The following GALNT18 variants were observed in gnomAD, a reference collection of about 807,000 sequenced individuals.
GALNT18 encodes the protein polypeptide N-acetylgalactosaminyltransferase 18.
Under a neutral mutation model 69.5 loss-of-function variants are expected in GALNT18, and 44 were observed. The observed-to-expected ratio is 0.63, with a 90% CI of 0.50 to 0.81. GALNT18 has a LOEUF of 0.81. Ranked by LOEUF, GALNT18 falls within the 40% of genes least tolerant of loss-of-function variation. GALNT18 has a pLI of 0.00. For missense variants in GALNT18, 715 were observed against 810.0 expected (o/e 0.88, Z 1.42); for synonymous variants, 364 against 318.2 (o/e 1.14, Z -1.53).
Position 11,389,225 on chromosome 11 carries a change from A to T in GALNT18, c.596-9961T>A, listed in dbSNP as rs1326427521. 6.6e-6 allele frequency among the ~76,000 whole-genome samples: 1 copy of T among 152,214 alleles called. No homozygotes were observed. The highest frequency in any genetic ancestry group is 1.5e-5 in the Non-Finnish European group (1 of 68,034). The stretch of plus-strand genomic sequence containing the variant: ...TCGAACTCAGGCCTGCTTGCCTCTG[A>T]AGACTTGGCTCTTTTCCAGTCTGTC... On this transcript the variant is annotated intron_variant, in intron 3 of 10. Coordinates refer to ENST00000227756, the MANE Select transcript of GALNT18 (RefSeq NM_198516.3). This position sits in a 1 kb window ranked among gnomAD's most constrained non-coding sequence, Gnocchi z 4.3.
At chr11:11,482,720 A>C (rs1856560893) in intron 1 of GALNT18, among the ~76,000 whole-genome samples, 1 of 152,236 alleles carries the variant, frequency 6.6e-6, no homozygotes, top group African/African-American at 2.4e-5. Context: ...TCCCAGGCAC[A>C]CTAAGGTGAT....
intron 1 of GALNT18, among the ~76,000 whole-genome samples, chr11:11,529,466 C>G (rs1857591082): frequency 1.3e-5 from 2 of 152,174 alleles, no homozygotes; most frequent in African/African-American, 4.8e-5. Flanking sequence ...AGCCTGCCAG[C>G]TTTTGGACTG....
At chr11:11,342,190 T>C (rs1299513818) in intron 6 of GALNT18, among the ~76,000 whole-genome samples, 4 of 152,178 alleles carry the variant, frequency 2.6e-5, no homozygotes, top group South Asian at 4.1e-4. Context: ...TACGTAGAAG[T>C]ACTTTATAAG....
intron 1 of GALNT18, among the ~76,000 whole-genome samples, chr11:11,471,164 C>CT (rs1372157041): frequency 6.6e-6 from 1 of 152,160 alleles, no homozygotes; most frequent in Non-Finnish European, 1.5e-5. Flanking sequence ...TCTACCCTGG[C>CT]TTCCGCCTGT....
chr11:11,294,557 C>T (rs1170809007), intron 9 of GALNT18, among the ~76,000 whole-genome samples: 2 of 151,006 alleles, frequency 1.3e-5, no homozygotes, highest in African/African-American at 4.9e-5. Context: ...GCACAGAGGA[C>T]CATACAGCCT....
chr11:11,612,274 G>A (rs1237312600), intron 1 of GALNT18, among the ~76,000 whole-genome samples: 7 of 152,328 alleles, frequency 4.6e-5, no homozygotes, highest in South Asian at 2.1e-4. Flanking sequence ...AAATAAATAA[G>A]TAATCATGCC....
chr11:11,271,438 C>T (rs1848825657), intron 10 of GALNT18, 148 bp from the exon 11 acceptor site: 6 of 745,242 alleles, frequency 8.1e-6, no homozygotes, highest in Non-Finnish European at 9.0e-6. Context: ...CTGCAGGCTC[C>T]CCTATCACTC....
intron 6 of GALNT18, among the ~76,000 whole-genome samples, chr11:11,343,593 A>G (rs992073289): frequency 1.3e-5 from 2 of 152,130 alleles, no homozygotes; most frequent in Admixed American, 6.5e-5. Flanking sequence ...AGACCTGTAC[A>G]TTCTGGGGAC....
Position 11,432,817 on chromosome 11 carries a change from G to A in GALNT18, c.429-30C>T. On this transcript the variant is annotated intron_variant, in intron 2 of 10. Coordinates refer to ENST00000227756, the MANE Select transcript of GALNT18 (RefSeq NM_198516.3). The surrounding 1 kb of genome is among the most constrained non-coding windows in gnomAD (Gnocchi z 5.8). ...AAAGAACAGCCAAGCGCTTAGATTT[G>A]TGACTCAGCTGGAGTCATCTCAGGA... is the stretch of plus-strand genomic sequence containing the variant. 6.2e-7 allele frequency: 1 copy of A among 1,604,646 alleles called. No individual in the cohort carries two copies.
At chr11:11,319,841 T>A (rs988531901) in intron 9 of GALNT18, among the ~76,000 whole-genome samples, 2 of 152,240 alleles carry the variant, frequency 1.3e-5, no homozygotes. Flanking sequence ...CCTACTCTAT[T>A]AACTCAAGGA....
chr11:11,502,442 A>G (rs1181037420), intron 1 of GALNT18, among the ~76,000 whole-genome samples: 1 of 152,240 alleles, frequency 6.6e-6, no homozygotes, highest in Non-Finnish European at 1.5e-5. Flanking sequence ...GGCCTTCGCC[A>G]TACTCTGTTG....
Position 11,341,014 on chromosome 11 carries a change from A to G in GALNT18, c.1093-10T>C. On this transcript the variant is annotated splice_polypyrimidine_tract_variant and intron_variant, in intron 6 of 10. Coordinates refer to ENST00000227756, the MANE Select transcript of GALNT18 (RefSeq NM_198516.3). The surrounding 1 kb of genome is among the most constrained non-coding windows in gnomAD (Gnocchi z 6.3). ...CGCCACACTGCCACACCTGCAGAAG[A>G]CATGGAGCCACTTGTCAGAGCCTGC... 1 of 1,582,930 alleles carries G rather than the reference A, an allele frequency of 6.3e-7. No homozygotes were observed. The highest frequency in any genetic ancestry group is 1.7e-4 in the Middle Eastern group (1 of 5,896).
chr11:11,508,606 A>C (rs1360299388), intron 1 of GALNT18, among the ~76,000 whole-genome samples: 2 of 152,224 alleles, frequency 1.3e-5, no homozygotes, highest in Non-Finnish European at 1.5e-5. Context: ...CGCTGCAATT[A>C]TTGTAATCCC....
intron 1 of GALNT18, among the ~76,000 whole-genome samples, chr11:11,556,937 G>A (rs908305176): frequency 6.6e-6 from 1 of 152,100 alleles, no homozygotes; most frequent in African/African-American, 2.4e-5. Flanking sequence ...TGAAAATGTT[G>A]AACAAATATC....
Position 11,470,325 on chromosome 11 carries a change from A to G in GALNT18, c.236-21389T>C, listed in dbSNP as rs534287873. 9.8e-5 allele frequency among the ~76,000 whole-genome samples: 15 copies of G among 152,346 alleles called. No individual in the cohort carries two copies. Among genetic ancestry groups the G allele is most frequent in the African/African-American group, 3.6e-4 (15 of 41,576 alleles). On this transcript the variant is annotated intron_variant, in intron 1 of 10. Transcript: ENST00000227756. This position sits in a 1 kb window ranked among gnomAD's most constrained non-coding sequence, Gnocchi z 4.8. ...ATTCTGTCTCTACATAGTCCTGTGC[A>G]GGCATGGAGGAAATTGTACGGTCAT...
intron 7 of GALNT18, among the ~76,000 whole-genome samples, chr11:11,335,593 G>A (rs764141608): frequency 1.3e-5 from 2 of 152,162 alleles, no homozygotes; most frequent in Non-Finnish European, 2.9e-5. Flanking sequence ...GACTTAATTT[G>A]GAACCAGGGT....
At chr11:11,491,641 T>C (rs1241402691) in intron 1 of GALNT18, among the ~76,000 whole-genome samples, 1 of 152,220 alleles carries the variant, frequency 6.6e-6, no homozygotes, top group Non-Finnish European at 1.5e-5. Flanking sequence ...TCAAAGCACT[T>C]GCCAGGCATT....
Position 11,600,011 on chromosome 11 carries a change from T to C in GALNT18, c.235+21348A>G, listed in dbSNP as rs1859596771. On this transcript the variant is annotated intron_variant, in intron 1 of 10. Coordinates refer to ENST00000227756, the MANE Select transcript of GALNT18 (RefSeq NM_198516.3). The surrounding 1 kb of genome is among the most constrained non-coding windows in gnomAD (Gnocchi z 4.8). ...TCATCCAAGTCCATTAACTTAATTCTAGTGAAATATAGAAAATTTAGTCCT... is the reference window on the plus strand; with the variant it reads ...TCATCCAAGTCCATTAACTTAATTCCAGTGAAATATAGAAAATTTAGTCCT... Among the ~76,000 whole-genome samples, 1 of 152,042 alleles carries C rather than the reference T, an allele frequency of 6.6e-6. No individual in the cohort carries two copies. The highest frequency in any genetic ancestry group is 1.5e-5 in the Non-Finnish European group (1 of 67,898).
In GALNT18 at chr11:11,421,104, G is replaced by A. The variant is rs1363795174; in HGVS notation, c.595+11517C>T. 6.6e-6 allele frequency among the ~76,000 whole-genome samples: 1 copy of A among 152,122 alleles called. No homozygotes were observed. The highest frequency in any genetic ancestry group is 1.9e-4 in the East Asian group (1 of 5,188). On this transcript the variant is annotated intron_variant, in intron 3 of 10. Coordinates refer to ENST00000227756, the MANE Select transcript of GALNT18 (RefSeq NM_198516.3). The surrounding 1 kb of genome is among the most constrained non-coding windows in gnomAD (Gnocchi z 5.6). ...TTCGTCAGCAGGGTAGCATGCTGGG[G>A]AGTTCCTGATTCTCTAAGACAGTTT...
Sources: gnomAD v4.1 joint callset for allele counts (sites outside exome capture counted in the v4.1 genomes callset) on GRCh38, gnomAD v4.1.1 for gene constraint, Gnocchi (gnomAD v3.1) non-coding constraint, MANE v1.5 for transcripts, NCBI Gene and HGNC (gene_info 2026-07-23, HGNC 2026-07-21) for gene names.